CACNA2D3: variants seen among roughly 807,000 people sequenced by gnomAD.
CACNA2D3 encodes voltage-dependent calcium channel subunit alpha-2/delta-3.
CACNA2D3 carries 60 observed loss-of-function variants against 160.6 expected under a neutral mutation model. The observed-to-expected ratio is 0.37, with a 90% CI of 0.30 to 0.46. The LOEUF is 0.46. Ranked by LOEUF, CACNA2D3 falls within the 20% of genes least tolerant of loss-of-function variation. The pLI, the probability that CACNA2D3 is intolerant of heterozygous loss-of-function variation, is 1.00. For synonymous variants in CACNA2D3, 558 were observed against 492.9 expected, an observed-to-expected ratio of 1.13 and a Z score of -1.75; for missense variants, 1,205 against 1,365.0, an observed-to-expected ratio of 0.88 and a Z score of 1.85.
chr3:54,229,471 G>A (rs1701731742), intron 2 of CACNA2D3, among the ~76,000 whole-genome samples: 1 of 152,140 alleles, frequency 6.6e-6, no homozygotes, highest in Non-Finnish European at 1.5e-5. Flanking sequence ...GGGATTACAG[G>A]CGTGAGCCAC....
At chr3:54,611,023 T>C (rs1241728312) in intron 9 of CACNA2D3, among the ~76,000 whole-genome samples, 1 of 152,246 alleles carries the variant, frequency 6.6e-6, no homozygotes, top group Non-Finnish European at 1.5e-5. Flanking sequence ...ACAGCATTCA[T>C]GTCCCAGTCT....
chr3:54,537,777 A>G (rs1701912100), intron 5 of CACNA2D3, among the ~76,000 whole-genome samples: 1 of 152,084 alleles, frequency 6.6e-6, no homozygotes, highest in Non-Finnish European at 1.5e-5. Flanking sequence ...ACCTACAGAA[A>G]CTGTGAGACA....
chr3:54,786,332 A>G (rs964163463), intron 13 of CACNA2D3, among the ~76,000 whole-genome samples: 4 of 152,200 alleles, frequency 2.6e-5, no homozygotes, highest in Admixed American at 1.3e-4. Flanking sequence ...GGATGAATGA[A>G]TGGTAAAATA....
chr3:54,783,178 G>A (rs1702566361), intron 13 of CACNA2D3, among the ~76,000 whole-genome samples: 1 of 152,082 alleles, frequency 6.6e-6, no homozygotes, highest in Non-Finnish European at 1.5e-5. Flanking sequence ...CTCTGAGGCC[G>A]CTTTTAAGGA....
rs189078691 is a variant in CACNA2D3, at chr3:54,452,497, C to T, written c.382-50995C>T. Reference sequence around the variant, plus strand: ...CTTTCTACAGTTTTCTTTCTGAACTCGCACTGGAATTGTCTTTAATGTCTG... The same window carrying T: ...CTTTCTACAGTTTTCTTTCTGAACTTGCACTGGAATTGTCTTTAATGTCTG... On this transcript the variant is annotated intron_variant, in intron 4 of 37. Transcript: ENST00000474759. Among the ~76,000 whole-genome samples the T allele has an allele frequency of 2.7e-3, 413 of 152,296 alleles. 2 individuals carry two copies. The highest frequency in any genetic ancestry group is 4.8e-3 in the Non-Finnish European group (327 of 68,018).
chr3:54,618,374 T>TATATATTCAC, intron 9 of CACNA2D3, among the ~76,000 whole-genome samples: 1 of 54,586 alleles, frequency 1.8e-5, no homozygotes, highest in Non-Finnish European at 3.1e-5. Flanking sequence ...TATATATATA[T>TATATATTCAC]GCACACACAC....
chr3:54,251,807 C>T (rs1702193864), intron 2 of CACNA2D3, among the ~76,000 whole-genome samples: 2 of 152,166 alleles, frequency 1.3e-5, no homozygotes, highest in South Asian at 2.1e-4. Context: ...TGACCTGGTT[C>T]CCAGAGGCTA....
At chr3:54,242,172 G>A (rs566274598) in intron 2 of CACNA2D3, among the ~76,000 whole-genome samples, 1 of 152,268 alleles carries the variant, frequency 6.6e-6, no homozygotes, top group East Asian at 1.9e-4. Flanking sequence ...TGTAATCCTA[G>A]CACTTTGGGA....
At chr3:54,825,386 A>G (rs189294729) in intron 14 of CACNA2D3, among the ~76,000 whole-genome samples, 11 of 152,328 alleles carry the variant, frequency 7.2e-5, no homozygotes, top group Admixed American at 2.6e-4. Context: ...TGAAGGGGAC[A>G]TCACAGGACA....
chr3:54,706,466 A>G (rs1259117176), intron 11 of CACNA2D3, among the ~76,000 whole-genome samples: 1 of 152,172 alleles, frequency 6.6e-6, no homozygotes, highest in Non-Finnish European at 1.5e-5. Context: ...ATGCAAGTGG[A>G]TGGCTGACAT....
chr3:54,965,118 A>G (rs1033382014), intron 27 of CACNA2D3, among the ~76,000 whole-genome samples: 2 of 152,248 alleles, frequency 1.3e-5, no homozygotes, highest in African/African-American at 4.8e-5. Flanking sequence ...AATCTCAGTT[A>G]AAACTACTCA....
chr3:54,916,300 G>T (rs1319031184), intron 27 of CACNA2D3, among the ~76,000 whole-genome samples: 3 of 152,106 alleles, frequency 2.0e-5, no homozygotes, highest in Non-Finnish European at 4.4e-5. Flanking sequence ...TCTTGGCCAA[G>T]CATCCTCAGT....
At chr3:54,247,244 G>A (rs1702099597) in intron 2 of CACNA2D3, among the ~76,000 whole-genome samples, 1 of 152,068 alleles carries the variant, frequency 6.6e-6, no homozygotes, top group South Asian at 2.1e-4. Flanking sequence ...CTGGAGGTAG[G>A]TGGAGGTTGC....
At chr3:54,161,216 C>G (rs1700337804) in intron 2 of CACNA2D3, among the ~76,000 whole-genome samples, 1 of 152,190 alleles carries the variant, frequency 6.6e-6, no homozygotes, top group Non-Finnish European at 1.5e-5. Context: ...ATAAAACATA[C>G]AGATAGCCCT....
chr3:54,639,180 A>G (rs935881463), intron 10 of CACNA2D3: 1 of 151,822 alleles, frequency 6.6e-6, no homozygotes, highest in African/African-American at 2.4e-5. Flanking sequence ...GGAAAGCGGG[A>G]CTTGCTGCTA....
chr3:54,811,596 C>T (rs1703320687), intron 13 of CACNA2D3, among the ~76,000 whole-genome samples: 1 of 149,566 alleles, frequency 6.7e-6, no homozygotes, highest in South Asian at 2.1e-4. Context: ...CTCCCAGGTA[C>T]AAGCGATTCT....
chr3:54,942,172 G>A (rs1425939072), intron 27 of CACNA2D3, among the ~76,000 whole-genome samples: 1 of 152,232 alleles, frequency 6.6e-6, no homozygotes, highest in Admixed American at 6.5e-5. Flanking sequence ...TTCTGCAACA[G>A]GGCAGTGATA....
intron 12 of CACNA2D3, among the ~76,000 whole-genome samples, chr3:54,757,253 T>C (rs1240972217): frequency 6.6e-6 from 1 of 152,120 alleles, no homozygotes; most frequent in African/African-American, 2.4e-5. Flanking sequence ...TCTCAACCGA[T>C]CAGTCATCGT....
At chr3:54,178,308 C>T (rs1576981180) in intron 2 of CACNA2D3, among the ~76,000 whole-genome samples, 1 of 152,222 alleles carries the variant, frequency 6.6e-6, no homozygotes, top group South Asian at 2.1e-4. Flanking sequence ...CGGCTTCAGC[C>T]CTCTGGGGTA....
Sources: allele counts gnomAD v4.1 joint callset (sites outside exome capture counted in the v4.1 genomes callset), GRCh38; gene constraint gnomAD v4.1.1; transcripts MANE v1.5; gene names NCBI Gene and HGNC (gene_info 2026-07-23, HGNC 2026-07-21).